The following SNRK variants were observed in gnomAD, a reference collection of about 807,000 sequenced individuals.
The protein encoded by SNRK is SNF-related serine/threonine-protein kinase.
Under a neutral mutation model 48.2 loss-of-function variants are expected in SNRK, and 3 were observed. That is an observed-to-expected ratio of 0.06 (90% CI 0.03 to 0.16). The LOEUF (loss-of-function observed/expected upper bound fraction) is 0.16, where lower values mean the gene tolerates loss of function less well. SNRK is among the 10% of genes least tolerant of loss of function. The pLI is 1.00. For synonymous variants in SNRK, 376 were observed against 366.1 expected, an observed-to-expected ratio of 1.03 and a Z score of -0.31; for missense variants, 627 against 976.0, an observed-to-expected ratio of 0.64 and a Z score of 4.76.
chr3:43,306,140 A>G (rs1462784754), intron 3 of SNRK, among the ~76,000 whole-genome samples: 1 of 152,148 alleles, frequency 6.6e-6, no homozygotes, highest in East Asian at 1.9e-4. Context: ...GCTTGGGTGG[A>G]GTTCATAGGT....
Position 43,343,437 on chromosome 3 carries a change from G to C in SNRK, c.1038G>C (p.Gln346His). ...ILREKQEKEI[Q>H]TRSASPSNIK... The stretch of plus-strand genomic sequence containing the variant: ...GAGAAAAGCAAGAGAAAGAAATACA[G>C]ACCAGATCTGCAAGCCCGAGCAATA... Residue 346 changes from glutamine (Q) to histidine (H), a missense_variant, in exon 6 of 7, where the codon CAG becomes CAC. This residue lies in a region of SNRK where 175 missense variants were observed against 209.7 expected (regional missense o/e 0.83). Coordinates refer to ENST00000296088, the MANE Select transcript of SNRK (RefSeq NM_017719.5). 1 of 1,613,874 alleles carries C rather than the reference G, an allele frequency of 6.2e-7. No homozygotes were observed. The highest frequency in any genetic ancestry group is 8.5e-7 in the Non-Finnish European group (1 of 1,179,958).
At chr3:43,309,862 G>T (rs1420840602) in intron 3 of SNRK, among the ~76,000 whole-genome samples, 1 of 151,818 alleles carries the variant, frequency 6.6e-6, no homozygotes, top group Non-Finnish European at 1.5e-5. Flanking sequence ...TTGTTTGTTT[G>T]TTTTTTTAAT....
chr3:43,309,845 T>C (rs2125624558), intron 3 of SNRK, among the ~76,000 whole-genome samples: 1 of 152,200 alleles, frequency 6.6e-6, no homozygotes, highest in African/African-American at 2.4e-5. Context: ...TGATAAAGTT[T>C]TTTTTGTTGT....
At chr3:43,298,860 G>T (rs2036616) in intron 1 of SNRK, among the ~76,000 whole-genome samples, 149,271 of 152,324 alleles carry the variant, frequency 0.98, 73,209 homozygotes, top group East Asian at 1. Flanking sequence ...GACAGTCCTC[G>T]GATGATGAAG....
chr3:43,348,450 C>T lies in SNRK; in HGVS notation c.2191C>T (p.Leu731=). ...IKSKNLKNNV[L]QLPLCEKTIS... Reference sequence around the variant, plus strand: ...GAGCAAGAACCTGAAAAATAACGTGCTGCAGCTACCTCTGTGCGAAAAGAC... The same window carrying T: ...GAGCAAGAACCTGAAAAATAACGTGTTGCAGCTACCTCTGTGCGAAAAGAC... Residue 731 remains leucine, a synonymous_variant, in exon 7 of 7, where the codon CTG becomes TTG. Transcript: ENST00000296088. 1 of 1,611,530 alleles carries T rather than the reference C, an allele frequency of 6.2e-7. No homozygotes were observed. The highest frequency in any genetic ancestry group is 8.5e-7 in the Non-Finnish European group (1 of 1,178,796).
chr3:43,333,722 A>G (rs908332176), intron 4 of SNRK, among the ~76,000 whole-genome samples: 2 of 152,204 alleles, frequency 1.3e-5, no homozygotes, highest in African/African-American at 4.8e-5. Context: ...TGATATATAT[A>G]TCATTCAAAT....
At chr3:43,343,592 TGAC>T in intron 6 of SNRK, 114 bp downstream of exon 6, 1 of 1,185,042 alleles carries the variant, frequency 8.4e-7, no homozygotes, top group Non-Finnish European at 1.2e-6. Context: ...CAAACAGTGA[TGAC>T]GGCCTCATTG....
At chr3:43,339,848 T>C (rs1156265603) in intron 4 of SNRK, among the ~76,000 whole-genome samples, 1 of 78,196 alleles carries the variant, frequency 1.3e-5, no homozygotes, top group Admixed American at 1.3e-4. Context: ...TATATATATA[T>C]ATATATATAT....
intron 1 of SNRK, among the ~76,000 whole-genome samples, chr3:43,297,692 A>G (rs1232523333): frequency 6.6e-6 from 1 of 151,974 alleles, no homozygotes; most frequent in Non-Finnish European, 1.5e-5. Flanking sequence ...GTAAGAATAT[A>G]TTTGATGTGA....
intron 5 of SNRK, 54 bp downstream of exon 5, chr3:43,340,553 G>T: frequency 6.7e-7 from 1 of 1,496,436 alleles, no homozygotes; most frequent in Non-Finnish European, 9.3e-7. Context: ...TCTTGGAATG[G>T]GCTCTCTCTA....
intron 3 of SNRK, among the ~76,000 whole-genome samples, chr3:43,314,515 C>A (rs2091001148): frequency 6.6e-6 from 1 of 152,164 alleles, no homozygotes; most frequent in African/African-American, 2.4e-5. Flanking sequence ...TTAAGACTGT[C>A]ATTTCTTTCT....
At chr3:43,299,425 C>G (rs2090881962) in intron 1 of SNRK, among the ~76,000 whole-genome samples, 1 of 152,192 alleles carries the variant, frequency 6.6e-6, no homozygotes, top group Non-Finnish European at 1.5e-5. Context: ...ATCCACCTGT[C>G]TCGGCCTCCC....
chr3:43,313,359 T>TAC (rs2090992573), intron 3 of SNRK, among the ~76,000 whole-genome samples: 1 of 152,196 alleles, frequency 6.6e-6, no homozygotes, highest in Non-Finnish European at 1.5e-5. Context: ...GGTGTATTCA[T>TAC]ACCATGGAAT....
chr3:43,339,349 C>T (rs1298258925), intron 4 of SNRK, among the ~76,000 whole-genome samples: 1 of 152,144 alleles, frequency 6.6e-6, no homozygotes, highest in Non-Finnish European at 1.5e-5. Context: ...AGGCCTTACA[C>T]ATTATATTCT....
rs1323663298 is a variant in SNRK, at chr3:43,348,181, G to T, written c.1922G>T (p.Gly641Val). 4.4e-6 allele frequency: 7 copies of T among 1,598,484 alleles called. No homozygotes were observed. The highest frequency in any genetic ancestry group is 2.2e-5 in the East Asian group (1 of 44,836). Residue 641 changes from glycine (G) to valine (V), a missense_variant, in exon 7 of 7, where the codon GGG becomes GTG. By Grantham distance (109) the Gly-to-Val change is moderately radical (BLOSUM62 -3). This residue lies in a region of SNRK where 207 missense variants were observed against 234.3 expected (regional missense o/e 0.88). Transcript: ENST00000296088. ...NSMQLASRSA[G>V]ELVESLKLMS... is the part of the protein sequence containing the mutation. ...ATGCAGCTGGCCTCTCGCAGTGCTG[G>T]GGAGCTCGTTGAGAGCCTCAAACTC...
At chr3:43,316,095 C>T (rs2091011484) in intron 3 of SNRK, among the ~76,000 whole-genome samples, 1 of 152,036 alleles carries the variant, frequency 6.6e-6, no homozygotes, top group Admixed American at 6.5e-5. Flanking sequence ...CTATAGGTAC[C>T]ATATAGGTGG....
intron 1 of SNRK, among the ~76,000 whole-genome samples, chr3:43,291,239 G>A (rs1477637475): frequency 1.3e-5 from 2 of 152,142 alleles, no homozygotes; most frequent in Non-Finnish European, 2.9e-5. Context: ...CTTCCTTACC[G>A]TTGCCAGTTT....
chr3:43,306,977 C>G (rs2090942565), intron 3 of SNRK, among the ~76,000 whole-genome samples: 1 of 152,054 alleles, frequency 6.6e-6, no homozygotes. Context: ...GTAATTCATA[C>G]CATGGTGACT....
intron 5 of SNRK, chr3:43,340,793 A>G (rs935389319): frequency 2.6e-6 from 1 of 377,674 alleles, no homozygotes. Context: ...GTATCCCAGT[A>G]TGTACCTTAT....
Sources: allele counts gnomAD v4.1 joint callset (sites outside exome capture counted in the v4.1 genomes callset), GRCh38; gene constraint gnomAD v4.1.1; regional missense constraint gnomAD v4.1.1; transcripts MANE v1.5; gene names NCBI Gene and HGNC (gene_info 2026-07-23, HGNC 2026-07-21).